RPRD1A: variants seen among roughly 807,000 people sequenced by gnomAD.
RPRD1A encodes the protein regulation of nuclear pre-mRNA domain-containing protein 1A.
In RPRD1A, 9 loss-of-function variants were observed where a neutral mutation model predicts 37.8. That is an observed-to-expected ratio of 0.24 (90% CI 0.14 to 0.42). The LOEUF is 0.42. Ranked by LOEUF, RPRD1A falls within the 10% of genes least tolerant of loss-of-function variation. The pLI is 1.00. For missense variants in RPRD1A, 255 were observed against 371.0 expected (o/e 0.69, Z 2.57); for synonymous variants, 138 against 139.7 (o/e 0.99, Z 0.08).
At chr18:36,056,764 G>T (rs764206902) in intron 1 of RPRD1A, among the ~76,000 whole-genome samples, 62 of 151,950 alleles carry the variant, frequency 4.1e-4, no homozygotes, top group Non-Finnish European at 7.4e-4. Flanking sequence ...AGAACAAGAT[G>T]AACAGGCACC....
chr18:36,008,577 G>GTGTGTATGTATATATATA, intron 6 of RPRD1A, among the ~76,000 whole-genome samples: 6 of 47,800 alleles, frequency 1.3e-4, no homozygotes, highest in Admixed American at 5.6e-4. Flanking sequence ...CCTTGTGTGT[G>GTGTGTATGTATATATATA]TATATATATA....
chr18:36,064,188 C>CAGGGAG (rs2088971787), intron 1 of RPRD1A: 1 of 152,480 alleles, frequency 6.6e-6, no homozygotes, highest in African/African-American at 2.4e-5. Context: ...ACTGTGGGAG[C>CAGGGAG]CCCTCTCTGC....
intron 1 of RPRD1A, among the ~76,000 whole-genome samples, chr18:36,049,520 T>C (rs1404589703): frequency 3.3e-5 from 5 of 152,202 alleles, no homozygotes; most frequent in South Asian, 4.1e-4. Flanking sequence ...GTCAGACCTA[T>C]CAATGTGACT....
intron 4 of RPRD1A, among the ~76,000 whole-genome samples, chr18:36,029,018 G>A (rs1218043860): frequency 6.6e-6 from 1 of 152,172 alleles, no homozygotes; most frequent in Non-Finnish European, 1.5e-5. Flanking sequence ...AGCCAAAAAT[G>A]ATTTTCTGTC....
chr18:36,037,344 T>C (rs1485090508), intron 1 of RPRD1A, among the ~76,000 whole-genome samples: 3 of 152,164 alleles, frequency 2.0e-5, no homozygotes, highest in Non-Finnish European at 4.4e-5. Flanking sequence ...TGAGATCTGA[T>C]GGTTTCATAA....
intron 2 of RPRD1A, 96 bp downstream of exon 2, chr18:36,033,612 C>T: frequency 1.0e-6 from 1 of 990,466 alleles, no homozygotes; most frequent in Non-Finnish European, 1.4e-6. Context: ...AACTATATTC[C>T]CTACTTTTTA....
chr18:36,043,545 C>A (rs1048131861), intron 1 of RPRD1A, among the ~76,000 whole-genome samples: 1 of 152,084 alleles, frequency 6.6e-6, no homozygotes, highest in African/African-American at 2.4e-5. Flanking sequence ...TTATAAAAGT[C>A]CTGAGAAGAA....
Position 36,038,489 on chromosome 18 carries a change from A to G in RPRD1A, c.152-4652T>C, listed in dbSNP as rs537828372. Among the ~76,000 whole-genome samples, 8 of 152,352 alleles carry G rather than the reference A, an allele frequency of 5.3e-5. No homozygotes were observed. The South Asian group carries it at 1.0e-3, about 20-fold the overall frequency. Reference sequence around the variant, plus strand: ...CACCCAGATTTCAGAGGATATATGGAAACACCTGGATGTCCAGGCAAAAGT... The same window carrying G: ...CACCCAGATTTCAGAGGATATATGGGAACACCTGGATGTCCAGGCAAAAGT... On this transcript the variant is annotated intron_variant, in intron 1 of 6. Transcript: ENST00000399022.
chr18:36,067,448 G>A lies in RPRD1A; in HGVS notation c.-44C>T, dbSNP rs748804081. On this transcript the variant is annotated 5_prime_UTR_variant, in exon 1 of 7. Coordinates refer to ENST00000399022, the MANE Select transcript of RPRD1A (RefSeq NM_018170.5). ...ACGCCGTCCCACGCGGTGGGGCCGA[G>A]GGGAGGAGAGTTTCGCCGCCCTAGC... is the stretch of plus-strand genomic sequence containing the variant. The A allele has an allele frequency of 3.8e-6, 6 of 1,571,586 alleles. No homozygotes were observed. In the African/African-American group the frequency reaches 4.1e-5, roughly 11 times the overall value.
intron 6 of RPRD1A, among the ~76,000 whole-genome samples, chr18:36,019,366 C>CA (rs1356570552): frequency 2.6e-5 from 4 of 152,024 alleles, no homozygotes; most frequent in Non-Finnish European, 5.9e-5. Context: ...CTCAGCCTCC[C>CA]AAAGTGCTGG....
At chr18:36,033,299 CAAAAAAAAAAAAAAAAA>C (rs71166085) in intron 2 of RPRD1A, among the ~76,000 whole-genome samples, 1 of 75,940 alleles carries the variant, frequency 1.3e-5, no homozygotes, top group Admixed American at 1.8e-4. Context: ...GACTCTGTCT[CAAAAAAAAAAAAAAAAA>C]AAAAAAAAAG....
Position 36,027,274 on chromosome 18 carries a change from T to C in RPRD1A, c.523A>G (p.Asn175Asp). ...ACTGCTGCATCACCTGAGGCTGCAT[T>C]TTCCAGATCTTGTAATGCTCTAACG... ...DLVRALQDLE[N>D]AASGDAAVHQ... The change falls in exon 5 of 7, where the codon AAT (asparagine) becomes GAT (aspartate). Residue 175 changes from asparagine (N) to aspartate (D), a missense_variant. By Grantham distance (23) the Asn-to-Asp change is conservative. Transcript: ENST00000399022. 6.2e-7 allele frequency: 1 copy of C among 1,613,948 alleles called. No homozygotes were observed. Among genetic ancestry groups the C allele is most frequent in the Non-Finnish European group, 8.5e-7 (1 of 1,179,836 alleles).
chr18:36,015,274 G>T (rs898941833), intron 6 of RPRD1A, among the ~76,000 whole-genome samples: 3 of 149,722 alleles, frequency 2.0e-5, no homozygotes, highest in Non-Finnish European at 3.0e-5. Context: ...GTGCAGTGGC[G>T]TGATCTCCGC....
At chr18:36,063,946 A>C (rs1226012155) in intron 1 of RPRD1A, 1 of 152,254 alleles carries the variant, frequency 6.6e-6, no homozygotes, top group Admixed American at 6.5e-5. Context: ...ATATGCTTTA[A>C]CGTTTTCCAC....
In RPRD1A at chr18:36,048,214, G is replaced by A. The variant is rs1221738839; in HGVS notation, c.152-14377C>T. ...CCCAAGTAGCTAGGATTACAGGCAT[G>A]CGCCACCACACCTGGCTAATTTTGT... is the stretch of plus-strand genomic sequence containing the variant. On this transcript the variant is annotated intron_variant, in intron 1 of 6. Transcript: ENST00000399022. 5.3e-5 allele frequency among the ~76,000 whole-genome samples: 8 copies of A among 152,078 alleles called. No homozygotes were observed. In the East Asian group the frequency reaches 1.5e-3, roughly 29 times the overall value.
intron 6 of RPRD1A, among the ~76,000 whole-genome samples, chr18:36,001,131 G>A (rs1909390298): frequency 1.3e-5 from 2 of 152,112 alleles, no homozygotes; most frequent in African/African-American, 4.8e-5. Flanking sequence ...TTAAACAAGA[G>A]TAATAGCAGC....
At chr18:36,005,864 T>C (rs936282238) in intron 6 of RPRD1A, among the ~76,000 whole-genome samples, 1 of 152,222 alleles carries the variant, frequency 6.6e-6, no homozygotes, top group African/African-American at 2.4e-5. Flanking sequence ...TTCTTTTTTT[T>C]ACAACTATGT....
chr18:36,013,649 C>A (rs980588063), intron 6 of RPRD1A, among the ~76,000 whole-genome samples: 21 of 152,158 alleles, frequency 1.4e-4, no homozygotes, highest in Admixed American at 1.2e-3. Context: ...CATGCAAAGA[C>A]CTGCGCCATT....
intron 2 of RPRD1A, among the ~76,000 whole-genome samples, chr18:36,032,378 A>T (rs1243822498): frequency 3.9e-5 from 6 of 152,220 alleles, no homozygotes; most frequent in African/African-American, 1.4e-4. Context: ...GGAAAGAACT[A>T]AAAAAGGTTA....
Sources: gnomAD v4.1 joint callset for allele counts (sites outside exome capture counted in the v4.1 genomes callset) on GRCh38, gnomAD v4.1.1 for gene constraint, MANE v1.5 for transcripts, NCBI Gene and HGNC (gene_info 2026-07-23, HGNC 2026-07-21) for gene names.